Variants in USP12 observed in about 807,000 individuals in gnomAD.
USP12 encodes ubiquitin specific peptidase 12.
USP12 carries 19 observed loss-of-function variants against 45.5 expected under a neutral mutation model. The observed-to-expected ratio is 0.42, with a 90% CI of 0.29 to 0.61. USP12 has a LOEUF of 0.61. USP12 is among the 20% of genes least tolerant of loss of function. The probability of loss-of-function intolerance (pLI) is 0.22; values close to 1 mark genes in which losing one functional copy is unlikely to be tolerated. For synonymous variants in USP12, 149 were observed against 148.8 expected (o/e 1.00, Z -0.01); for missense variants, 242 against 447.7 (o/e 0.54, Z 4.15).
intron 1 of USP12, among the ~76,000 whole-genome samples, chr13:27,162,150 G>C (rs1003178570): frequency 3.3e-5 from 5 of 152,190 alleles, no homozygotes; most frequent in African/African-American, 1.2e-4. Context: ...GGGTGATGTT[G>C]ATATGTATTT....
intron 3 of USP12, among the ~76,000 whole-genome samples, chr13:27,103,607 A>AAATAAT (rs1555234498): frequency 1.8e-3 from 235 of 128,494 alleles, no homozygotes; most frequent in African/African-American, 6.0e-3. Context: ...TCAAAAAAAA[A>AAATAAT]AATAATAATA....
At chr13:27,161,031 T>C (rs1208817796) in intron 1 of USP12, among the ~76,000 whole-genome samples, 1 of 152,158 alleles carries the variant, frequency 6.6e-6, no homozygotes, top group Non-Finnish European at 1.5e-5. Flanking sequence ...TGAAACCTTC[T>C]AAACATTATA....
chr13:27,153,941 C>G (rs17085241), intron 1 of USP12, among the ~76,000 whole-genome samples: 3,241 of 152,284 alleles, frequency 0.021, 119 homozygotes, highest in African/African-American at 0.074. Context: ...GGTATCAAAT[C>G]TAATTATGGC....
chr13:27,168,449 C>T (rs1488959789), intron 1 of USP12, among the ~76,000 whole-genome samples: 1 of 152,212 alleles, frequency 6.6e-6, no homozygotes, highest in Non-Finnish European at 1.5e-5. Context: ...GATTAGCCAC[C>T]TCAACTGCAA....
At chr13:27,137,528 T>A (rs986517815) in intron 1 of USP12, among the ~76,000 whole-genome samples, 2 of 152,206 alleles carry the variant, frequency 1.3e-5, no homozygotes, top group African/African-American at 4.8e-5. Context: ...TAAATGAAAG[T>A]AGACATGTTC....
intron 6 of USP12, 57 bp downstream of exon 6, chr13:27,089,826 C>T (rs1345956717): frequency 6.4e-7 from 1 of 1,550,388 alleles, no homozygotes; most frequent in African/African-American, 1.4e-5. Context: ...AAGCCCACCT[C>T]CAACATCAAT....
intron 2 of USP12, among the ~76,000 whole-genome samples, chr13:27,109,441 CA>C (rs1875313489): frequency 6.6e-6 from 1 of 152,022 alleles, no homozygotes; most frequent in South Asian, 2.1e-4. Context: ...ATGAAAGAGA[CA>C]ATACCACAAA....
chr13:27,159,041 T>C (rs1877979544), intron 1 of USP12, among the ~76,000 whole-genome samples: 1 of 152,242 alleles, frequency 6.6e-6, no homozygotes. Context: ...CAATTACTTC[T>C]TGGGAAAGGG....
chr13:27,093,661 C>T lies in USP12; in HGVS notation c.573+1940G>A, dbSNP rs73497368. On this transcript the variant is annotated intron_variant, in intron 4 of 8. Coordinates refer to ENST00000282344, the MANE Select transcript of USP12 (RefSeq NM_182488.4). ...ACTCTTACCATACAATCCAGTGATC[C>T]TGCTCCTTGATATTTACACAAAGGA... is the stretch of plus-strand genomic sequence containing the variant. 2.1e-3 allele frequency among the ~76,000 whole-genome samples: 320 copies of T among 152,310 alleles called. 1 individual carries two copies. Among genetic ancestry groups the T allele is most frequent in the African/African-American group, 7.0e-3 (290 of 41,566 alleles).
intron 4 of USP12, among the ~76,000 whole-genome samples, chr13:27,092,118 T>C (rs1390803932): frequency 6.6e-6 from 1 of 152,194 alleles, no homozygotes; most frequent in Admixed American, 6.5e-5. Context: ...AGTTGGTGCT[T>C]AGCACCCCCC....
At chr13:27,160,158 C>CA (rs1878039426) in intron 1 of USP12, among the ~76,000 whole-genome samples, 2 of 151,632 alleles carry the variant, frequency 1.3e-5, no homozygotes, top group Non-Finnish European at 2.9e-5. Flanking sequence ...AAACAGAGAA[C>CA]AAAAAAAGGT....
chr13:27,082,352 C>A (rs552416269), intron 6 of USP12, among the ~76,000 whole-genome samples: 5 of 152,296 alleles, frequency 3.3e-5, no homozygotes, highest in Admixed American at 3.3e-4. Flanking sequence ...CTGCAGCTTC[C>A]TTACCTCTCT....
At chr13:27,143,483 C>G (rs988667518) in intron 1 of USP12, among the ~76,000 whole-genome samples, 25 of 152,284 alleles carry the variant, frequency 1.6e-4, no homozygotes, top group Admixed American at 7.8e-4. Context: ...TAGAAAAATA[C>G]CATTTTGCAG....
At chr13:27,085,881 A>G (rs1277706830) in intron 6 of USP12, among the ~76,000 whole-genome samples, 1 of 152,116 alleles carries the variant, frequency 6.6e-6, no homozygotes, top group Non-Finnish European at 1.5e-5. Flanking sequence ...AAAATATACT[A>G]TGCAGCAGGC....
At chr13:27,116,368 A>T (rs1875742803) in intron 2 of USP12, 148 bp downstream of exon 2, 3 of 568,400 alleles carry the variant, frequency 5.3e-6, no homozygotes, top group Non-Finnish European at 8.3e-6. Flanking sequence ...TCCCTTAAAG[A>T]TCATTTCAAA....
rs558054015 is a variant in USP12 at position 27,089,823 on chromosome 13, C to G, written c.734+60G>C. On this transcript the variant is annotated intron_variant, in intron 6 of 8. Transcript: ENST00000282344. ...TTCCTAGATTGTTTTTCTAAGCCCA[C>G]CTCCAACATCAATTACAAAAAATAA... 1.5e-3 allele frequency: 2,233 copies of G among 1,536,834 alleles called. 3 individuals are homozygous for G. The highest frequency in any genetic ancestry group is 1.8e-3 in the Non-Finnish European group (2,058 of 1,127,076).
intron 1 of USP12, among the ~76,000 whole-genome samples, chr13:27,149,898 T>A (rs1242462616): frequency 6.6e-6 from 1 of 152,246 alleles, no homozygotes; most frequent in Non-Finnish European, 1.5e-5. Flanking sequence ...GAGAATCTAA[T>A]GCCTTCTACT....
chr13:27,120,557 G>C (rs1473228834), intron 1 of USP12, among the ~76,000 whole-genome samples: 1 of 151,494 alleles, frequency 6.6e-6, no homozygotes, highest in Non-Finnish European at 1.5e-5. Context: ...AGGAGGCTGA[G>C]GCTGCAGTGA....
chr13:27,072,642 T>A (rs1265999257), intron 7 of USP12, among the ~76,000 whole-genome samples: 3 of 152,064 alleles, frequency 2.0e-5, no homozygotes, highest in African/African-American at 7.2e-5. Flanking sequence ...CAAGGAAGAA[T>A]ATGATATAAA....
Sources: allele counts gnomAD v4.1 joint callset (sites outside exome capture counted in the v4.1 genomes callset), GRCh38; gene constraint gnomAD v4.1.1; transcripts MANE v1.5; gene names NCBI Gene and HGNC (gene_info 2026-07-23, HGNC 2026-07-21).